FBXL7: variants seen among roughly 807,000 people sequenced by gnomAD.
FBXL7 encodes F-box/LRR-repeat protein 7.
A neutral mutation model predicts 38.3 loss-of-function variants in FBXL7; 12 were observed. The observed-to-expected ratio is 0.31, with a 90% CI of 0.20 to 0.51. The LOEUF (loss-of-function observed/expected upper bound fraction) is 0.51. Among genes scored for constraint, FBXL7 ranks in the 20% least tolerant of loss-of-function variants. The pLI is 0.98. For synonymous variants in FBXL7, 297 were observed against 300.9 expected, an observed-to-expected ratio of 0.99 and a Z score of 0.13; for missense variants, 567 against 676.4, an observed-to-expected ratio of 0.84 and a Z score of 1.79.
chr5:15,781,902 A>G (rs1232931712), intron 2 of FBXL7, among the ~76,000 whole-genome samples: 1 of 152,140 alleles, frequency 6.6e-6, no homozygotes, highest in Non-Finnish European at 1.5e-5. Flanking sequence ...ACATAGATAT[A>G]CATGTGCCAT....
At chr5:15,586,262 T>G in intron 1 of FBXL7, among the ~76,000 whole-genome samples, 1 of 36,716 alleles carries the variant, frequency 2.7e-5, no homozygotes, top group Non-Finnish European at 5.5e-5. Flanking sequence ...TCCCCTCCCC[T>G]CCCCTCCCCC....
At chr5:15,795,732 C>G (rs1381359811) in intron 2 of FBXL7, among the ~76,000 whole-genome samples, 1 of 151,966 alleles carries the variant, frequency 6.6e-6, no homozygotes, top group East Asian at 1.9e-4. Flanking sequence ...GGAGGTGGGA[C>G]AAAATAGGGG....
At chr5:15,932,159 G>A (rs528931148) in intron 3 of FBXL7, among the ~76,000 whole-genome samples, 7 of 152,294 alleles carry the variant, frequency 4.6e-5, no homozygotes, top group African/African-American at 1.7e-4. Flanking sequence ...AAGGATTTAG[G>A]AAGCTGCAGT....
At chr5:15,905,103 A>G (rs1252884665) in intron 2 of FBXL7, among the ~76,000 whole-genome samples, 1 of 152,216 alleles carries the variant, frequency 6.6e-6, no homozygotes, top group Non-Finnish European at 1.5e-5. Flanking sequence ...AAGACTCTTG[A>G]CATTGCCAAA....
chr5:15,573,821 C>A (rs1738871273), intron 1 of FBXL7, among the ~76,000 whole-genome samples: 1 of 152,160 alleles, frequency 6.6e-6, no homozygotes, highest in African/African-American at 2.4e-5. Flanking sequence ...TCACGAGGTC[C>A]TTGACTTGTA....
At chr5:15,651,208 T>G (rs1201613835) in intron 2 of FBXL7, among the ~76,000 whole-genome samples, 1 of 151,512 alleles carries the variant, frequency 6.6e-6, no homozygotes, top group Non-Finnish European at 1.5e-5. Flanking sequence ...GCCATTCTCC[T>G]GCCTCAGCCT....
At chr5:15,637,038 T>C (rs1400751499) in intron 2 of FBXL7, among the ~76,000 whole-genome samples, 1 of 152,190 alleles carries the variant, frequency 6.6e-6, no homozygotes, top group African/African-American at 2.4e-5. Context: ...AGATGAGTGA[T>C]GGGCAGCCCA....
At chr5:15,545,712 C>T (rs1737875466) in intron 1 of FBXL7, among the ~76,000 whole-genome samples, 1 of 152,118 alleles carries the variant, frequency 6.6e-6, no homozygotes. Context: ...TGTTTGTAGC[C>T]TGGTTGTGAA....
chr5:15,590,847 A>G (rs913313486), intron 1 of FBXL7, among the ~76,000 whole-genome samples: 1 of 152,156 alleles, frequency 6.6e-6, no homozygotes, highest in Admixed American at 6.5e-5. Flanking sequence ...TAAATTACTG[A>G]GTCACATAGC....
Position 15,860,173 on chromosome 5 carries a change from C to T in FBXL7, c.128-67717C>T, listed in dbSNP as rs73752334. On this transcript the variant is annotated intron_variant, in intron 2 of 3. Coordinates refer to ENST00000504595, the MANE Select transcript of FBXL7 (RefSeq NM_012304.5). ...AGACTAGGGAAAATATATAGGCATA[C>T]GTGGAATTCCAGTTTTCAAACAATT... Among the ~76,000 whole-genome samples, 982 of 152,236 alleles carry T rather than the reference C, an allele frequency of 6.5e-3. 17 individuals carry two copies. The highest frequency in any genetic ancestry group is 0.021 in the African/African-American group (877 of 41,542).
chr5:15,805,420 G>A (rs1363405439), intron 2 of FBXL7, among the ~76,000 whole-genome samples: 1 of 152,174 alleles, frequency 6.6e-6, no homozygotes, highest in Non-Finnish European at 1.5e-5. Context: ...TGGGTTAACT[G>A]TGAATTTGGA....
At chr5:15,607,742 C>T (rs1394231925) in intron 1 of FBXL7, among the ~76,000 whole-genome samples, 1 of 152,172 alleles carries the variant, frequency 6.6e-6, no homozygotes, top group Non-Finnish European at 1.5e-5. Flanking sequence ...AATTATCGAT[C>T]CACTAACTGA....
intron 1 of FBXL7, among the ~76,000 whole-genome samples, chr5:15,595,802 A>G (rs1418101054): frequency 2.0e-5 from 3 of 152,170 alleles, no homozygotes; most frequent in African/African-American, 7.2e-5. Context: ...GTAAAAATCT[A>G]AGGAGATGAT....
intron 2 of FBXL7, among the ~76,000 whole-genome samples, chr5:15,744,445 A>G (rs950085286): frequency 6.6e-6 from 1 of 151,822 alleles, no homozygotes; most frequent in African/African-American, 2.4e-5. Flanking sequence ...GCTGGACTTC[A>G]TTGTCCATAT....
intron 2 of FBXL7, among the ~76,000 whole-genome samples, chr5:15,771,679 T>C (rs1736730537): frequency 6.6e-6 from 1 of 152,088 alleles, no homozygotes; most frequent in Non-Finnish European, 1.5e-5. Flanking sequence ...CATAGTACTA[T>C]TCAAAAATGT....
intron 2 of FBXL7, among the ~76,000 whole-genome samples, chr5:15,709,742 T>C (rs908567176): frequency 6.6e-6 from 1 of 152,162 alleles, no homozygotes; most frequent in Non-Finnish European, 1.5e-5. Context: ...AGAATAAAAA[T>C]GTATTTCCTC....
intron 2 of FBXL7, among the ~76,000 whole-genome samples, chr5:15,884,397 G>A (rs969709689): frequency 7.2e-5 from 11 of 151,966 alleles, no homozygotes; most frequent in African/African-American, 2.7e-4. Flanking sequence ...CTCCCGAGTA[G>A]CTGGGACTAC....
intron 2 of FBXL7, among the ~76,000 whole-genome samples, chr5:15,634,337 T>TTTTTTAA (rs1741105917): frequency 9.9e-6 from 1 of 100,740 alleles, no homozygotes. Context: ...TTTTTTTTTT[T>TTTTTTAA]AAAAGACAGA....
chr5:15,722,311 G>A (rs1416453297), intron 2 of FBXL7, among the ~76,000 whole-genome samples: 1 of 152,232 alleles, frequency 6.6e-6, no homozygotes, highest in East Asian at 1.9e-4. Flanking sequence ...TAGGATTCTT[G>A]GAATCACTCA....
Sources: allele counts gnomAD v4.1 joint callset (sites outside exome capture counted in the v4.1 genomes callset), GRCh38; gene constraint gnomAD v4.1.1; transcripts MANE v1.5; gene names NCBI Gene and HGNC (gene_info 2026-07-23, HGNC 2026-07-21).